The following KAZN variants were observed in gnomAD, a reference collection of about 807,000 sequenced individuals.
KAZN encodes kazrin.
A neutral mutation model predicts 87.4 loss-of-function variants in KAZN; 40 were observed. That is an observed-to-expected ratio of 0.46 (90% confidence interval 0.36 to 0.60). The LOEUF (loss-of-function observed/expected upper bound fraction) is 0.60. Ranked by LOEUF, KAZN falls within the 20% of genes least tolerant of loss-of-function variation. The probability of loss-of-function intolerance (pLI) is 0.00; values close to 1 mark genes in which losing one functional copy is unlikely to be tolerated. For synonymous variants in KAZN, 466 were observed against 458.3 expected, an observed-to-expected ratio of 1.02 and a Z score of -0.22; for missense variants, 898 against 1,073.9, an observed-to-expected ratio of 0.84 and a Z score of 2.29.
At chr1:14,009,911 G>A (rs565077304) in intron 1 of KAZN, among the ~76,000 whole-genome samples, 1 of 152,102 alleles carries the variant, frequency 6.6e-6, no homozygotes, top group Non-Finnish European at 1.5e-5. Context: ...GTGCCTCCAT[G>A]TGTACACACT....
At chr1:14,671,345 G>T (rs778066143) in intron 1 of KAZN, among the ~76,000 whole-genome samples, 4 of 152,256 alleles carry the variant, frequency 2.6e-5, no homozygotes, top group Non-Finnish European at 5.9e-5. Context: ...CTGGCACATA[G>T]TAGGTGCTCA....
chr1:14,195,059 C>A (rs1646498356), intron 2 of KAZN, among the ~76,000 whole-genome samples: 1 of 152,138 alleles, frequency 6.6e-6, no homozygotes, highest in Non-Finnish European at 1.5e-5. Flanking sequence ...ACAATCAACC[C>A]TTCGAGGAAA....
At chr1:13,907,280 C>A (rs1444339107) in intron 1 of KAZN, among the ~76,000 whole-genome samples, 1 of 152,162 alleles carries the variant, frequency 6.6e-6, no homozygotes, top group Non-Finnish European at 1.5e-5. Flanking sequence ...CCTCTCAAGC[C>A]AGTATTAGGG....
At chr1:15,049,265 C>G (rs1674032616) in intron 4 of KAZN, among the ~76,000 whole-genome samples, 1 of 152,224 alleles carries the variant, frequency 6.6e-6, no homozygotes, top group South Asian at 2.1e-4. Context: ...ACACACTGGT[C>G]CTGTCCCTGG....
intron 2 of KAZN, among the ~76,000 whole-genome samples, chr1:15,016,345 A>G (rs1308819226): frequency 6.6e-6 from 1 of 152,038 alleles, no homozygotes; most frequent in Non-Finnish European, 1.5e-5. Flanking sequence ...GAGTGCAATG[A>G]CGCGATCTCA....
chr1:14,502,188 G>C (rs952165097), intron 2 of KAZN, among the ~76,000 whole-genome samples: 12 of 152,090 alleles, frequency 7.9e-5, no homozygotes, highest in African/African-American at 2.9e-4. Flanking sequence ...TGCCCCTCGT[G>C]GGTCTGTTCC....
At chr1:15,049,507 G>A (rs1674069966) in intron 4 of KAZN, among the ~76,000 whole-genome samples, 1 of 151,970 alleles carries the variant, frequency 6.6e-6, no homozygotes, top group Non-Finnish European at 1.5e-5. Context: ...CACAGCAGTA[G>A]ACTCCAGACA....
At chr1:14,682,994 C>A (rs374847508) in intron 1 of KAZN, among the ~76,000 whole-genome samples, 2 of 152,234 alleles carry the variant, frequency 1.3e-5, no homozygotes, top group East Asian at 3.8e-4. Context: ...AAAAGTAGAT[C>A]TCTTTGTTTA....
chr1:14,998,625 G>A (rs1668143683), intron 2 of KAZN, among the ~76,000 whole-genome samples: 1 of 151,940 alleles, frequency 6.6e-6, no homozygotes, highest in Non-Finnish European at 1.5e-5. Context: ...CTCAGCTCAC[G>A]GCAACCTCTG....
At chr1:14,993,357 TA>T (rs1667541629) in intron 2 of KAZN, among the ~76,000 whole-genome samples, 1 of 151,500 alleles carries the variant, frequency 6.6e-6, no homozygotes, top group African/African-American at 2.4e-5. Flanking sequence ...TAATCCCAGC[TA>T]CTGAGGAGGC....
At chr1:15,042,214 T>C (rs1041802885) in intron 3 of KAZN, among the ~76,000 whole-genome samples, 10 of 152,206 alleles carry the variant, frequency 6.6e-5, no homozygotes, top group African/African-American at 2.4e-4. Context: ...AGGGACATTT[T>C]ATAAGCAGCC....
chr1:14,334,055 C>T (rs948949466), intron 2 of KAZN, among the ~76,000 whole-genome samples: 2 of 151,740 alleles, frequency 1.3e-5, no homozygotes, highest in African/African-American at 4.8e-5. Flanking sequence ...CTTTCACTTT[C>T]CCCCTACAGG....
intron 1 of KAZN, among the ~76,000 whole-genome samples, chr1:14,106,025 A>G (rs1644366680): frequency 6.6e-6 from 1 of 152,214 alleles, no homozygotes. Flanking sequence ...GAGGCAACAT[A>G]ATATTTTGGA....
chr1:14,188,289 G>C (rs1026409249), intron 2 of KAZN, among the ~76,000 whole-genome samples: 7 of 151,266 alleles, frequency 4.6e-5, no homozygotes, highest in African/African-American at 1.7e-4. Flanking sequence ...CTTTAGTTTT[G>C]TGTGTTAAGC....
At chr1:14,318,144 ATTTAC>A (rs1655788228) in intron 2 of KAZN, among the ~76,000 whole-genome samples, 2 of 152,180 alleles carry the variant, frequency 1.3e-5, no homozygotes, top group South Asian at 4.1e-4. Context: ...ATGAGAAACA[ATTTAC>A]TTTATATTTA....
At chr1:14,617,343 A>T (rs1678331969) in intron 1 of KAZN, among the ~76,000 whole-genome samples, 1 of 152,218 alleles carries the variant, frequency 6.6e-6, no homozygotes, top group African/African-American at 2.4e-5. Flanking sequence ...GTACAATAGC[A>T]TTCTGTCTGA....
chr1:14,051,141 A>G (rs1367104950), intron 1 of KAZN, among the ~76,000 whole-genome samples: 2 of 152,214 alleles, frequency 1.3e-5, no homozygotes, highest in African/African-American at 2.4e-5. Flanking sequence ...AAGGGGAGGC[A>G]TCAAGCGTCA....
In KAZN at chr1:15,066,107, G is replaced by C. The variant is rs369525121; in HGVS notation, c.1222+354G>C. 1.2e-3 allele frequency: 1,399 copies of C among 1,120,874 alleles called. 8 individuals carry two copies. The African/African-American group carries it at 0.018, about 14-fold the overall frequency. The allele number at this position is 1,120,874 out of a possible 1,614,324, so 69.4% of individuals were successfully genotyped here. On this transcript the variant is annotated intron_variant, in intron 8 of 14. Coordinates refer to ENST00000376030, the MANE Select transcript of KAZN (RefSeq NM_201628.3). This position sits in a 1 kb window ranked among gnomAD's most constrained non-coding sequence, Gnocchi z 4.3. Reference sequence around the variant, plus strand: ...GGTTTATTATTTTTCTTCAGTGTTTGGTTTTTCTTTTTCTTTTTGTTTGGT... The same window carrying C: ...GGTTTATTATTTTTCTTCAGTGTTTCGTTTTTCTTTTTCTTTTTGTTTGGT...
At chr1:14,121,067 C>G (rs1014396312) in intron 1 of KAZN, among the ~76,000 whole-genome samples, 40 of 152,084 alleles carry the variant, frequency 2.6e-4, no homozygotes, top group Non-Finnish European at 5.3e-4. Context: ...TATTGCCCAA[C>G]CCAGGGGAAG....
Sources: allele counts gnomAD v4.1 joint callset (sites outside exome capture counted in the v4.1 genomes callset), GRCh38; gene constraint gnomAD v4.1.1; non-coding constraint Gnocchi (gnomAD v3.1); transcripts MANE v1.5; gene names NCBI Gene and HGNC (gene_info 2026-07-23, HGNC 2026-07-21).